PTCH1: variants seen among roughly 807,000 people sequenced by gnomAD.
PTCH1 encodes the protein protein patched homolog 1.
In PTCH1, 14 loss-of-function variants were observed where a neutral mutation model predicts 144.6. The observed-to-expected ratio is 0.10, with a 90% confidence interval of 0.06 to 0.15. The LOEUF (loss-of-function observed/expected upper bound fraction) is 0.15, where lower values mean the gene tolerates loss of function less well. Ranked by LOEUF, PTCH1 falls within the 10% of genes least tolerant of loss-of-function variation. The probability of loss-of-function intolerance (pLI) is 1.00; values close to 1 mark genes in which losing one functional copy is unlikely to be tolerated. For synonymous variants in PTCH1, 833 were observed against 793.6 expected (o/e 1.05, Z -0.83); for missense variants, 1,623 against 1,948.3 (o/e 0.83, Z 3.14).
chr9:95,476,069 T>C lies in PTCH1; in HGVS notation c.1693A>G (p.Ile565Val), dbSNP rs778170244. 1 of 1,614,060 alleles carries C rather than the reference T, an allele frequency of 6.2e-7. No individual in the cohort carries two copies. Among genetic ancestry groups the C allele is most frequent in the Admixed American group, 1.7e-5 (1 of 60,018 alleles). Reference sequence around the variant, plus strand: ...AACGCCCGCAGAGCGGGAATTGGGATTAACGCGGCCATGAAGAAGGCTGTG... The same window carrying C: ...AACGCCCGCAGAGCGGGAATTGGGACTAACGCGGCCATGAAGAAGGCTGTG... ...NVTAFFMAAL[I>V]PIPALRAFSL... The change falls in exon 12 of 24, where the codon ATC becomes GTC. Residue 565 changes from isoleucine to valine, a missense_variant. Coordinates refer to ENST00000331920, the MANE Select transcript of PTCH1 (RefSeq NM_000264.5). This position sits in a 1 kb window ranked among gnomAD's most constrained non-coding sequence, Gnocchi z 4.6.
chr9:95,487,395 A>G (rs1162232730), intron 2 of PTCH1, among the ~76,000 whole-genome samples: 1 of 152,234 alleles, frequency 6.6e-6, no homozygotes, highest in Admixed American at 6.5e-5. Flanking sequence ...GAAGTTAAGG[A>G]AAAATCACAG....
chr9:95,467,093 G>A (rs1840071398), intron 15 of PTCH1, 23 bp downstream of exon 15: 2 of 1,612,566 alleles, frequency 1.2e-6, no homozygotes, highest in South Asian at 1.1e-5. Context: ...CCGAAAGGAC[G>A]AGAGCCTCCC....
In PTCH1 at chr9:95,455,227, A is replaced by G. The variant is rs920309968; in HGVS notation, c.3306+1049T>C. On this transcript the variant is annotated intron_variant, in intron 19 of 23. Transcript: ENST00000331920. Reference sequence around the variant, plus strand: ...CAACAAAGCATTCCTTCCAAAACACAAAAGTTTACAATCTCTCAATTGTAT... The same window carrying G: ...CAACAAAGCATTCCTTCCAAAACACGAAAGTTTACAATCTCTCAATTGTAT... Among the ~76,000 whole-genome samples the G allele has an allele frequency of 5.9e-5, 9 of 152,356 alleles. No homozygotes were observed. In the South Asian group the frequency reaches 1.9e-3, roughly 32 times the overall value.
At chr9:95,459,465 C>T (rs1170452803) in intron 17 of PTCH1, 135 bp downstream of exon 17, 13 of 1,136,570 alleles carry the variant, frequency 1.1e-5, no homozygotes, top group Middle Eastern at 2.8e-4. Context: ...GAGTTTTAAA[C>T]GAGAAGAAAT....
At chr9:95,505,541 G>A (rs984351416) in intron 2 of PTCH1, among the ~76,000 whole-genome samples, 8 of 152,202 alleles carry the variant, frequency 5.3e-5, no homozygotes, top group African/African-American at 1.4e-4. Flanking sequence ...GCTTTGCTAA[G>A]GTCTCAAGAA....
rs763881628 is a variant in PTCH1 at position 95,449,352 on chromosome 9, G to A, written c.3550-29C>T. 5.2e-6 allele frequency: 8 copies of A among 1,539,938 alleles called. No individual in the cohort carries two copies. In the African/African-American group the frequency reaches 6.8e-5, roughly 13 times the overall value. ...TTTAAGGGGATTCCATGTTAAAAGT[G>A]TTCTTGTCCATTTACCTGCTGGCCA... is the stretch of plus-strand genomic sequence containing the variant. On this transcript the variant is annotated intron_variant, in intron 21 of 23. Transcript: ENST00000331920. This position sits in a 1 kb window ranked among gnomAD's most constrained non-coding sequence, Gnocchi z 5.3.
At chr9:95,489,270 T>C (rs1440493357) in intron 2 of PTCH1, among the ~76,000 whole-genome samples, 1 of 152,216 alleles carries the variant, frequency 6.6e-6, no homozygotes, top group Non-Finnish European at 1.5e-5. Flanking sequence ...GTGTGAAGCT[T>C]TGAGCTCAGG....
chr9:95,483,321 C>T (rs1419820346), intron 3 of PTCH1: 1 of 150,204 alleles, frequency 6.7e-6, no homozygotes, highest in Non-Finnish European at 1.5e-5. Flanking sequence ...TTATATAAGC[C>T]CATATCTTTC....
chr9:95,489,722 A>G (rs1842234686), intron 2 of PTCH1, among the ~76,000 whole-genome samples: 1 of 152,144 alleles, frequency 6.6e-6, no homozygotes, highest in Non-Finnish European at 1.5e-5. Flanking sequence ...AATAACTATT[A>G]AATCTAGTAT....
In PTCH1 at chr9:95,449,805, G is replaced by A. The variant is rs1481141826; in HGVS notation, c.3549+36C>T. 11 of 1,553,024 alleles carry A rather than the reference G, an allele frequency of 7.1e-6. No individual in the cohort carries two copies. The highest frequency in any genetic ancestry group is 3.4e-5 in the Admixed American group (2 of 59,696). On this transcript the variant is annotated intron_variant, in intron 21 of 23. Coordinates refer to ENST00000331920, the MANE Select transcript of PTCH1 (RefSeq NM_000264.5). The surrounding 1 kb of genome is among the most constrained non-coding windows in gnomAD (Gnocchi z 5.3). Reference sequence around the variant, plus strand: ...GGCACAGGAAACACAGCATTCAGCCGGCCTACACGTGGGACATCCCCGTGT... The same window carrying A: ...GGCACAGGAAACACAGCATTCAGCCAGCCTACACGTGGGACATCCCCGTGT...
chr9:95,506,215 T>A, intron 2 of PTCH1, 192 bp downstream of exon 2: 1 of 547,986 alleles, frequency 1.8e-6, no homozygotes, highest in Non-Finnish European at 3.0e-6. Flanking sequence ...GCGCCCCGAG[T>A]AGATTACAGC....
In PTCH1 at chr9:95,456,326, G is replaced by C. The variant is rs777291938; in HGVS notation, c.3256C>G (p.Leu1086Val). 1 of 1,614,090 alleles carries C rather than the reference G, an allele frequency of 6.2e-7. No homozygotes were observed. The highest frequency in any genetic ancestry group is 8.5e-7 in the Non-Finnish European group (1 of 1,180,044). ...ACTCCTATGCCAACAGAAGCGATCA[G>C]GATGACCACGGGCACGGCACTGAGC... The part of the protein sequence containing the change: ...IKLSAVPVVI[L>V]IASVGIGVEF... Residue 1086 changes from leucine to valine, a missense_variant, in exon 19 of 24, where the codon CTG becomes GTG. Coordinates refer to ENST00000331920, the MANE Select transcript of PTCH1 (RefSeq NM_000264.5).
chr9:95,496,540 A>G (rs1452604472), intron 2 of PTCH1, among the ~76,000 whole-genome samples: 1 of 151,860 alleles, frequency 6.6e-6, no homozygotes, highest in Non-Finnish European at 1.5e-5. Flanking sequence ...AGCCTATTAA[A>G]AAAAAAAAAG....
At chr9:95,505,361 A>T (rs71499905) in intron 2 of PTCH1, among the ~76,000 whole-genome samples, 3,698 of 152,332 alleles carry the variant, frequency 0.024, 77 homozygotes, top group Admixed American at 0.059. Context: ...AAGGTAAGGG[A>T]TGCCCAAAGT....
At chr9:95,510,187 G>C (rs1844077274), upstream of PTCH1, among the ~76,000 whole-genome samples, 1 of 152,190 alleles carries the variant, frequency 6.6e-6, no homozygotes, top group Non-Finnish European at 1.5e-5. Flanking sequence ...TTCCTTGAGA[G>C]AGTAAAGTTT....
upstream of PTCH1, chr9:95,514,146 C>T (rs1156569939): frequency 6.6e-6 from 1 of 152,170 alleles, no homozygotes; most frequent in African/African-American, 2.4e-5. Flanking sequence ...AGCATGTCAC[C>T]AACTGCTGAA....
In PTCH1 at chr9:95,479,129, G is replaced by C. The variant is rs777969745; in HGVS notation, c.1086C>G (p.Thr362=). Reference sequence around the variant, plus strand: ...GCTTGGGAGTCATTAACTGGAACATGGTCTGCAGGGCATGGGCGCTGCAGC... The same window carrying C: ...GCTTGGGAGTCATTAACTGGAACATCGTCTGCAGGGCATGGGCGCTGCAGC... ...GKLVSAHALQ[T]MFQLMTPKQM... Residue 362 remains threonine (T), a synonymous_variant, in exon 8 of 24, where the codon ACC becomes ACG. Coordinates refer to ENST00000331920, the MANE Select transcript of PTCH1 (RefSeq NM_000264.5). 1.2e-6 allele frequency: 2 copies of C among 1,614,048 alleles called. No homozygotes were observed. Among genetic ancestry groups the C allele is most frequent in the Non-Finnish European group, 1.7e-6 (2 of 1,180,012 alleles).
At chr9:95,465,951 C>T (rs1039754720) in intron 15 of PTCH1, among the ~76,000 whole-genome samples, 2 of 152,204 alleles carry the variant, frequency 1.3e-5, no homozygotes, top group East Asian at 1.9e-4. Context: ...TACGTGCAGT[C>T]GGTCAGGAGA....
At chr9:95,490,175 T>C (rs185515304) in intron 2 of PTCH1, among the ~76,000 whole-genome samples, 3 of 151,620 alleles carry the variant, frequency 2.0e-5, no homozygotes, top group African/African-American at 7.3e-5. Flanking sequence ...TGAAAGAGTA[T>C]AATTAAAAGC....
Sources: allele counts gnomAD v4.1 joint callset (sites outside exome capture counted in the v4.1 genomes callset), GRCh38; gene constraint gnomAD v4.1.1; non-coding constraint Gnocchi (gnomAD v3.1); transcripts MANE v1.5; gene names NCBI Gene and HGNC (gene_info 2026-07-23, HGNC 2026-07-21).